SPECC1: variants seen among roughly 807,000 people sequenced by gnomAD.
The protein encoded by SPECC1 is sperm antigen with calponin homology and coiled-coil domains 1, also known as cytospin-B.
SPECC1 carries 62 observed loss-of-function variants against 104.1 expected under a neutral mutation model. The observed-to-expected ratio is 0.60, with a 90% CI of 0.49 to 0.74. The LOEUF (loss-of-function observed/expected upper bound fraction) is 0.74. Among genes scored for constraint, SPECC1 ranks in the 30% least tolerant of loss-of-function variants. The probability of loss-of-function intolerance (pLI) is 0.00; values close to 1 mark genes in which losing one functional copy is unlikely to be tolerated. For missense variants in SPECC1, 1,306 were observed against 1,310.5 expected, an observed-to-expected ratio of 1.00 and a Z score of 0.05; for synonymous variants, 513 against 501.6, an observed-to-expected ratio of 1.02 and a Z score of -0.30.
Position 20,314,692 on chromosome 17 carries a change from T to TCC in SPECC1, c.*634_*635dup, listed in dbSNP as rs398041591. The TCC allele has an allele frequency of 0.087, 13,115 of 150,954 alleles. 830 individuals are homozygous for TCC. The highest frequency in any genetic ancestry group is 0.21 in the African/African-American group (6,595 of 30,936). The allele number at this position is 150,954 out of a possible 1,614,324, so 9.4% of individuals were successfully genotyped here. ...CCCTTGTGAACCCTCCCTTCCCCCC[T>TCC]CCCCCCCCAAAAAAAAACAACAAAA... On this transcript the variant is annotated 3_prime_UTR_variant, in exon 15 of 15. Transcript: ENST00000395527.
intron 3 of SPECC1, among the ~76,000 whole-genome samples, chr17:20,131,566 T>C (rs1176406215): frequency 6.6e-6 from 1 of 152,028 alleles, no homozygotes; most frequent in African/African-American, 2.4e-5. Flanking sequence ...TTTAACACTA[T>C]ATTGAATAAA....
chr17:20,034,835 C>T (rs900024292), intron 1 of SPECC1, among the ~76,000 whole-genome samples: 1 of 152,060 alleles, frequency 6.6e-6, no homozygotes, highest in East Asian at 2.0e-4. Flanking sequence ...AAACTCCTGA[C>T]CTTAGGTGAT....
intron 3 of SPECC1, among the ~76,000 whole-genome samples, chr17:20,136,563 T>TTGCTCC (rs1240397840): frequency 2.0e-5 from 3 of 152,206 alleles, no homozygotes; most frequent in African/African-American, 7.2e-5. Context: ...GTGAAAAGTT[T>TTGCTCC]TGCTCCTGCC....
chr17:20,105,934 C>T (rs2047960289), intron 2 of SPECC1, among the ~76,000 whole-genome samples: 1 of 152,162 alleles, frequency 6.6e-6, no homozygotes, highest in Admixed American at 6.6e-5. Flanking sequence ...TAGGAGTGCT[C>T]TCATTTGTTG....
At chr17:20,138,306 C>G (rs145777417) in intron 3 of SPECC1, among the ~76,000 whole-genome samples, 5 of 152,132 alleles carry the variant, frequency 3.3e-5, no homozygotes, top group Non-Finnish European at 5.9e-5. Context: ...CCTCTGCCCC[C>G]ACACATGTAC....
chr17:20,121,408 G>A (rs1164643914), intron 3 of SPECC1, among the ~76,000 whole-genome samples: 5 of 151,034 alleles, frequency 3.3e-5, no homozygotes, highest in Admixed American at 2.6e-4. Context: ...GTTTTGCTCT[G>A]TTGTCCAGGC....
chr17:20,114,295 G>A lies in SPECC1; in HGVS notation c.283+3733G>A, dbSNP rs1288091471. Among the ~76,000 whole-genome samples, 30 of 152,008 alleles carry A rather than the reference G, an allele frequency of 2.0e-4. 1 individual carries two copies. Among genetic ancestry groups the A allele is most frequent in the Admixed American group, 2.0e-3 (30 of 15,266 alleles). On this transcript the variant is annotated intron_variant, in intron 3 of 14. Transcript: ENST00000395527. ...CAACCTCCGCCTCCTGGGTTCAAGC[G>A]ATTCTCCTGCCTCAGCCTCTCGAGT...
chr17:20,111,863 A>G, intron 3 of SPECC1: 1 of 829,876 alleles, frequency 1.2e-6, no homozygotes, highest in Non-Finnish European at 2.1e-6. Context: ...CAGCCCCAAG[A>G]AGGGAAAGGT....
intron 7 of SPECC1, chr17:20,237,680 T>C (rs2038997633): frequency 5.1e-6 from 1 of 196,168 alleles, no homozygotes; most frequent in African/African-American, 2.3e-5. Flanking sequence ...TGTCTGATCA[T>C]CTTGGAATTC....
At chr17:20,079,595 A>G (rs2046888858) in intron 1 of SPECC1, among the ~76,000 whole-genome samples, 1 of 152,118 alleles carries the variant, frequency 6.6e-6, no homozygotes, top group Admixed American at 6.5e-5. Context: ...TGGCCTCTCT[A>G]GTTTAAAAGA....
chr17:20,310,771 G>A (rs2041908123), intron 14 of SPECC1, among the ~76,000 whole-genome samples: 1 of 152,238 alleles, frequency 6.6e-6, no homozygotes, highest in Non-Finnish European at 1.5e-5. Context: ...CAATTCCTGA[G>A]GCATGGCTGG....
chr17:20,025,447 C>T (rs943629008), intron 1 of SPECC1, among the ~76,000 whole-genome samples: 3 of 152,160 alleles, frequency 2.0e-5, no homozygotes, highest in South Asian at 2.1e-4. Context: ...TGGTCATTTC[C>T]GATGCATGGA....
rs186660521 is a variant in SPECC1 at position 20,273,882 on chromosome 17, T to C, written c.2940+13588T>C. 3.3e-5 allele frequency among the ~76,000 whole-genome samples: 5 copies of C among 152,350 alleles called. No individual in the cohort carries two copies. In the East Asian group the frequency reaches 7.7e-4, roughly 23 times the overall value. On this transcript the variant is annotated intron_variant, in intron 12 of 14. Transcript: ENST00000395527. ...TTCTTTCATGTTCCCTTTTTCCTTG[T>C]CTGTTAATGCCTTTGGAGGAAAAAT... is the stretch of plus-strand genomic sequence containing the variant.
chr17:20,259,144 T>G (rs1197627803), intron 11 of SPECC1, among the ~76,000 whole-genome samples: 1 of 152,250 alleles, frequency 6.6e-6, no homozygotes, highest in Middle Eastern at 3.2e-3. Context: ...AATTCAGGTC[T>G]TGTTACACCT....
intron 1 of SPECC1, among the ~76,000 whole-genome samples, chr17:20,089,430 C>T (rs1026682304): frequency 3.3e-5 from 5 of 151,640 alleles, no homozygotes; most frequent in African/African-American, 4.9e-5. Context: ...AGTTTGAGAC[C>T]AGCCTAGGCA....
intron 12 of SPECC1, among the ~76,000 whole-genome samples, chr17:20,272,971 G>A (rs2040456843): frequency 6.6e-6 from 1 of 152,124 alleles, no homozygotes; most frequent in Non-Finnish European, 1.5e-5. Flanking sequence ...AGGTTTGACT[G>A]CTCATGTTTA....
intron 3 of SPECC1, among the ~76,000 whole-genome samples, chr17:20,125,296 A>G (rs2049242950): frequency 6.6e-6 from 1 of 152,238 alleles, no homozygotes. Context: ...TACAGCTTCT[A>G]CTGAATGCGC....
intron 10 of SPECC1, among the ~76,000 whole-genome samples, chr17:20,256,629 C>G (rs766672380): frequency 6.6e-6 from 1 of 152,162 alleles, no homozygotes; most frequent in Non-Finnish European, 1.5e-5. Context: ...GAACAAGGCA[C>G]TTAGTTCTCT....
chr17:20,180,876 T>C (rs72830178), intron 3 of SPECC1, among the ~76,000 whole-genome samples: 8,026 of 152,254 alleles, frequency 0.053, 292 homozygotes, highest in Non-Finnish European at 0.079. Context: ...CATTTTCCCC[T>C]AGGTCTAGGG....
Sources: allele counts gnomAD v4.1 joint callset (sites outside exome capture counted in the v4.1 genomes callset), GRCh38; gene constraint gnomAD v4.1.1; transcripts MANE v1.5; gene names NCBI Gene and HGNC (gene_info 2026-07-23, HGNC 2026-07-21).